SYN3: variants seen among roughly 807,000 people sequenced by gnomAD.
The protein encoded by SYN3 is synapsin III.
Under a neutral mutation model 65.8 loss-of-function variants are expected in SYN3, and 35 were observed. The observed-to-expected ratio is 0.53, with a 90% CI of 0.41 to 0.70. The LOEUF (loss-of-function observed/expected upper bound fraction) is 0.70. Ranked by LOEUF, SYN3 falls within the 30% of genes least tolerant of loss-of-function variation. The pLI is 0.00. For missense variants in SYN3, 680 were observed against 749.0 expected (o/e 0.91, Z 1.08); for synonymous variants, 270 against 292.9 (o/e 0.92, Z 0.80).
At chr22:32,536,040 G>A (rs1441774131) in intron 9 of SYN3, among the ~76,000 whole-genome samples, 2 of 152,238 alleles carry the variant, frequency 1.3e-5, no homozygotes, top group Non-Finnish European at 2.9e-5. Flanking sequence ...CCACTCCCAC[G>A]TTAGGTTCCT....
chr22:32,525,568 G>A (rs891688980), intron 12 of SYN3, among the ~76,000 whole-genome samples: 1 of 151,932 alleles, frequency 6.6e-6, no homozygotes, highest in Non-Finnish European at 1.5e-5. Context: ...AAATTAGCCG[G>A]GAGTGTTGGT....
intron 2 of SYN3, among the ~76,000 whole-genome samples, chr22:32,999,128 T>C (rs2052983579): frequency 6.6e-6 from 1 of 151,962 alleles, no homozygotes; most frequent in Non-Finnish European, 1.5e-5. Context: ...ACAGATACAG[T>C]GTGGTATGTG....
intron 4 of SYN3, among the ~76,000 whole-genome samples, chr22:32,878,134 A>G (rs1166469463): frequency 6.6e-6 from 1 of 152,110 alleles, no homozygotes; most frequent in Non-Finnish European, 1.5e-5. Flanking sequence ...GTGCAACCAG[A>G]ACCTTCCACC....
At chr22:32,591,190 C>T (rs183690070) in intron 7 of SYN3, among the ~76,000 whole-genome samples, 5 of 151,896 alleles carry the variant, frequency 3.3e-5, no homozygotes, top group South Asian at 2.1e-4. Flanking sequence ...CCTTAGCCAC[C>T]GTAATAACAA....
At chr22:32,847,987 C>T (rs924823044) in intron 6 of SYN3, among the ~76,000 whole-genome samples, 6 of 152,202 alleles carry the variant, frequency 3.9e-5, no homozygotes, top group Non-Finnish European at 5.9e-5. Flanking sequence ...TATTATTAGA[C>T]GATTTTTTTC....
intron 9 of SYN3, among the ~76,000 whole-genome samples, chr22:32,536,678 G>A (rs2058171264): frequency 1.3e-5 from 2 of 152,170 alleles, no homozygotes; most frequent in Non-Finnish European, 2.9e-5. Flanking sequence ...TGAAATGACT[G>A]GGAAACAGAA....
chr22:32,533,697 A>C, intron 10 of SYN3, 96 bp downstream of exon 10: 2 of 804,600 alleles, frequency 2.5e-6, no homozygotes, highest in Non-Finnish European at 4.1e-6. Context: ...GAGCCAGGAC[A>C]CAGCTGATGG....
At chr22:32,913,176 T>G (rs1423816357) in intron 4 of SYN3, among the ~76,000 whole-genome samples, 1 of 151,968 alleles carries the variant, frequency 6.6e-6, no homozygotes, top group Non-Finnish European at 1.5e-5. Flanking sequence ...TTTTTTTTTT[T>G]TTGAGATGGA....
At chr22:32,802,045 G>A in intron 6 of SYN3, 1 of 1,576,712 alleles carries the variant, frequency 6.3e-7, no homozygotes, top group Non-Finnish European at 8.6e-7. Context: ...GGCAGCTGGA[G>A]CCTGGGGGAC....
At chr22:32,857,434 A>G in intron 6 of SYN3, 1 of 1,124,512 alleles carries the variant, frequency 8.9e-7, no homozygotes, top group Non-Finnish European at 1.4e-6. Flanking sequence ...AAGAACACAT[A>G]CGGAGTAGTT....
intron 2 of SYN3, among the ~76,000 whole-genome samples, chr22:32,981,023 T>A (rs1437770671): frequency 6.6e-6 from 1 of 151,708 alleles, no homozygotes; most frequent in African/African-American, 2.4e-5. Context: ...TCCGGCTATT[T>A]TTTTTATTTT....
At chr22:32,741,316 T>C (rs1263291644) in intron 6 of SYN3, among the ~76,000 whole-genome samples, 1 of 151,192 alleles carries the variant, frequency 6.6e-6, no homozygotes, top group Non-Finnish European at 1.5e-5. Context: ...AAGCTGGGAT[T>C]CAGACCCAAG....
At chr22:32,915,263 A>G (rs2050157807) in intron 4 of SYN3, among the ~76,000 whole-genome samples, 1 of 152,174 alleles carries the variant, frequency 6.6e-6, no homozygotes. Flanking sequence ...CCAGAACTTA[A>G]AGTATAATAA....
intron 6 of SYN3, among the ~76,000 whole-genome samples, chr22:32,681,522 C>G (rs2060522543): frequency 6.6e-6 from 1 of 152,154 alleles, no homozygotes; most frequent in Non-Finnish European, 1.5e-5. Context: ...ATGAGAAAAC[C>G]ACGACTCAGA....
intron 4 of SYN3, among the ~76,000 whole-genome samples, chr22:32,876,693 G>A (rs1174928507): frequency 6.6e-6 from 1 of 151,782 alleles, no homozygotes; most frequent in Non-Finnish European, 1.5e-5. Flanking sequence ...AAACAGTGGA[G>A]TCACATCATG....
In SYN3 at chr22:32,660,346, C is replaced by T. The variant is rs368372134; in HGVS notation, c.712-63610G>A. Among the ~76,000 whole-genome samples the T allele has an allele frequency of 2.9e-3, 444 of 152,316 alleles. 1 individual carries two copies. Among genetic ancestry groups the T allele is most frequent in the South Asian group, 0.011 (55 of 4,822 alleles). On this transcript the variant is annotated intron_variant, in intron 6 of 13. Transcript: ENST00000358763. ...ACCTGGTTTCTTTGGGGCATGGCTT[C>T]CAGGTCAGTGCGTCTCTGACACTTG...
chr22:32,985,168 T>C (rs1165707331), intron 2 of SYN3, among the ~76,000 whole-genome samples: 1 of 152,144 alleles, frequency 6.6e-6, no homozygotes, highest in Non-Finnish European at 1.5e-5. Flanking sequence ...AGGGTTGTTA[T>C]GAGGATTAAA....
intron 7 of SYN3, among the ~76,000 whole-genome samples, chr22:32,554,730 TC>T (rs2058467365): frequency 6.6e-6 from 1 of 152,020 alleles, no homozygotes; most frequent in Non-Finnish European, 1.5e-5. Context: ...AAGACCCCCT[TC>T]CCCTCCCTTG....
chr22:32,542,051 TGGC>T (rs1181719777), intron 7 of SYN3, among the ~76,000 whole-genome samples: 2 of 151,982 alleles, frequency 1.3e-5, no homozygotes, highest in African/African-American at 4.8e-5. Flanking sequence ...AAAGGGCAGG[TGGC>T]ACAGACTCGC....
Sources: gnomAD v4.1 joint callset for allele counts (sites outside exome capture counted in the v4.1 genomes callset) on GRCh38, gnomAD v4.1.1 for gene constraint, MANE v1.5 for transcripts, NCBI Gene and HGNC (gene_info 2026-07-23, HGNC 2026-07-21) for gene names.